CHSY3: variants seen among roughly 807,000 people sequenced by gnomAD.
The protein encoded by CHSY3 is chondroitin sulfate synthase 3, also known as N-acetylgalactosaminyl-proteoglycan 3-beta-glucuronosyltransferase 3.
Under a neutral mutation model 67.2 loss-of-function variants are expected in CHSY3, and 35 were observed. The ratio of observed to expected loss-of-function variants is 0.52; its 90% CI spans 0.40 to 0.69. The LOEUF (loss-of-function observed/expected upper bound fraction) is 0.69, where lower values mean the gene tolerates loss of function less well. CHSY3 is among the 30% of genes least tolerant of loss of function. The pLI is 0.00. For synonymous variants in CHSY3, 474 were observed against 434.7 expected (o/e 1.09, Z -1.12); for missense variants, 1,069 against 1,138.5 (o/e 0.94, Z 0.88).
chr5:130,020,718 A>C (rs1357792583), intron 2 of CHSY3, among the ~76,000 whole-genome samples: 1 of 151,936 alleles, frequency 6.6e-6, no homozygotes, highest in Non-Finnish European at 1.5e-5. Context: ...CACCCACTGC[A>C]TAAGTTATTG....
At chr5:130,131,892 A>G (rs540468227) in intron 2 of CHSY3, among the ~76,000 whole-genome samples, 1 of 152,288 alleles carries the variant, frequency 6.6e-6, no homozygotes, top group South Asian at 2.1e-4. Context: ...CTGGTCCCAG[A>G]GAACCCAGAG....
chr5:129,927,195 G>T (rs1306637480), intron 2 of CHSY3, among the ~76,000 whole-genome samples: 1 of 151,116 alleles, frequency 6.6e-6, no homozygotes, highest in African/African-American at 2.4e-5. Flanking sequence ...ATATTTCTTT[G>T]TTTTCTGGTC....
chr5:130,180,175 C>T (rs1052441645), intron 2 of CHSY3, among the ~76,000 whole-genome samples: 1 of 152,126 alleles, frequency 6.6e-6, no homozygotes, highest in Non-Finnish European at 1.5e-5. Context: ...TCTGCTTAGC[C>T]TCTCATTTCC....
At chr5:130,127,451 G>A (rs1273727268) in intron 2 of CHSY3, among the ~76,000 whole-genome samples, 2 of 148,346 alleles carry the variant, frequency 1.3e-5, no homozygotes, top group Non-Finnish European at 3.0e-5. Context: ...TTGCATCCTG[G>A]GTCTGTCTGA....
At position 130,185,749 on chromosome 5, in the gene CHSY3, T is replaced by A. The variant is rs745818019; in HGVS notation, c.2607T>A (p.Leu869=). The stretch of plus-strand genomic sequence containing the variant: ...CCATGCAACTGGCTGAACTCTGGCT[T>A]GAAAAACATTTAGGTGTCAGGTACA... The part of the protein sequence containing the change: ...ASTMQLAELW[L]EKHLGVRYNR... Residue 869 remains leucine (L), a synonymous_variant, in exon 3 of 3, where the codon CTT becomes CTA. Coordinates refer to ENST00000305031, the MANE Select transcript of CHSY3 (RefSeq NM_175856.5). 1.9e-5 allele frequency: 31 copies of A among 1,610,094 alleles called. No individual in the cohort carries two copies. The highest frequency in any genetic ancestry group is 8.5e-7 in the Non-Finnish European group (1 of 1,177,526).
chr5:130,068,077 C>T (rs1178904409), intron 2 of CHSY3, among the ~76,000 whole-genome samples: 11 of 152,106 alleles, frequency 7.2e-5, no homozygotes, highest in Admixed American at 7.2e-4. Context: ...ATCACCTCTT[C>T]TCACCCCTTC....
At chr5:129,996,121 G>A (rs1490787518) in intron 2 of CHSY3, among the ~76,000 whole-genome samples, 3 of 152,166 alleles carry the variant, frequency 2.0e-5, no homozygotes, top group Admixed American at 1.3e-4. Flanking sequence ...TAAAAATGGG[G>A]TAATAATACA....
intron 2 of CHSY3, among the ~76,000 whole-genome samples, chr5:130,178,261 T>A (rs1323055989): frequency 3.4e-5 from 4 of 119,298 alleles, no homozygotes; most frequent in Admixed American, 8.7e-5. Context: ...ATATTTTTTT[T>A]TTTTTTTTTC....
chr5:129,920,971 G>T (rs1010699012), intron 2 of CHSY3, among the ~76,000 whole-genome samples: 1 of 151,980 alleles, frequency 6.6e-6, no homozygotes, highest in Non-Finnish European at 1.5e-5. Flanking sequence ...GGCATGCACC[G>T]CCATGCCCAT....
At position 130,083,844 on chromosome 5, in the gene CHSY3, A is replaced by G. The variant is rs151252209; in HGVS notation, c.1087-100385A>G. 1.9e-4 allele frequency among the ~76,000 whole-genome samples: 29 copies of G among 151,950 alleles called. No individual in the cohort carries two copies. In the East Asian group the frequency reaches 5.4e-3, roughly 28 times the overall value. ...AATACCTCAGAAGCCTTTGAGAAGT[A>G]TACATTTTTTTTTTGGACTTTTAAT... On this transcript the variant is annotated intron_variant, in intron 2 of 2. Transcript: ENST00000305031.
intron 2 of CHSY3, among the ~76,000 whole-genome samples, chr5:129,995,497 TTTTTC>T (rs550363070): frequency 5.1e-4 from 78 of 151,550 alleles, no homozygotes; most frequent in African/African-American, 1.9e-3. Flanking sequence ...GTGTACTTTT[TTTTTC>T]TTTTCTTTTC....
At chr5:129,950,516 A>C (rs13436801) in intron 2 of CHSY3, among the ~76,000 whole-genome samples, 77,999 of 151,926 alleles carry the variant, frequency 0.51, 20,716 homozygotes, top group Non-Finnish European at 0.59. Context: ...CTTATATATT[A>C]CAGTTTCTAA....
At chr5:130,025,523 T>C (rs1764516280) in intron 2 of CHSY3, among the ~76,000 whole-genome samples, 1 of 152,086 alleles carries the variant, frequency 6.6e-6, no homozygotes, top group South Asian at 2.1e-4. Context: ...GATATTGTCT[T>C]AGTCTGCTTG....
intron 2 of CHSY3, among the ~76,000 whole-genome samples, chr5:129,989,003 T>A (rs1474640166): frequency 2.0e-5 from 3 of 152,202 alleles, no homozygotes; most frequent in African/African-American, 7.2e-5. Flanking sequence ...AAGGGATGCC[T>A]CTAGAATGAA....
intron 2 of CHSY3, among the ~76,000 whole-genome samples, chr5:130,155,733 C>T (rs1769360004): frequency 6.6e-6 from 1 of 152,180 alleles, no homozygotes; most frequent in East Asian, 1.9e-4. Context: ...CTGGACGAGT[C>T]GGTAAAGAGT....
intron 2 of CHSY3, among the ~76,000 whole-genome samples, chr5:130,058,570 G>A (rs183439263): frequency 0.01 from 1,553 of 152,284 alleles, 18 homozygotes; most frequent in African/African-American, 0.034. Flanking sequence ...AAGTTGCAGT[G>A]TGCCAAGATT....
chr5:130,166,075 T>G (rs1013589316), intron 2 of CHSY3, among the ~76,000 whole-genome samples: 16 of 152,160 alleles, frequency 1.1e-4, no homozygotes, highest in Non-Finnish European at 1.8e-4. Context: ...AGATTTGGAG[T>G]GTTTAGCTTT....
At chr5:129,955,150 A>C (rs778627747) in intron 2 of CHSY3, among the ~76,000 whole-genome samples, 1 of 152,190 alleles carries the variant, frequency 6.6e-6, no homozygotes, top group Non-Finnish European at 1.5e-5. Flanking sequence ...TACAGGCGTG[A>C]GCCACTGCGC....
intron 2 of CHSY3, among the ~76,000 whole-genome samples, chr5:130,064,991 C>G (rs1395705235): frequency 3.3e-5 from 5 of 152,126 alleles, no homozygotes; most frequent in African/African-American, 1.2e-4. Context: ...TAGTTTCTTT[C>G]TCTTCTTTTT....
Sources: gnomAD v4.1 joint callset for allele counts (sites outside exome capture counted in the v4.1 genomes callset) on GRCh38, gnomAD v4.1.1 for gene constraint, MANE v1.5 for transcripts, NCBI Gene and HGNC (gene_info 2026-07-23, HGNC 2026-07-21) for gene names.